Variants in EPHB1 observed in about 807,000 individuals in gnomAD.
EPHB1 encodes the protein ephrin type-B receptor 1.
In EPHB1, 30 loss-of-function variants were observed where a neutral mutation model predicts 94.4. The ratio of observed to expected loss-of-function variants is 0.32; its 90% CI spans 0.24 to 0.43. The LOEUF is 0.43. Among genes scored for constraint, EPHB1 ranks in the 20% least tolerant of loss-of-function variants. The probability of loss-of-function intolerance (pLI) is 1.00; values close to 1 mark genes in which losing one functional copy is unlikely to be tolerated. For missense variants in EPHB1, 1,055 were observed against 1,308.3 expected, an observed-to-expected ratio of 0.81 and a Z score of 2.99; for synonymous variants, 522 against 489.1, an observed-to-expected ratio of 1.07 and a Z score of -0.89.
chr3:135,165,236 A>G (rs1043236756), intron 7 of EPHB1, among the ~76,000 whole-genome samples: 4 of 152,220 alleles, frequency 2.6e-5, no homozygotes, highest in Admixed American at 6.5e-5. Flanking sequence ...TGTGCTTCAT[A>G]TGATTTGATT....
intron 1 of EPHB1, among the ~76,000 whole-genome samples, chr3:134,917,852 A>G (rs528800936): frequency 2.0e-5 from 3 of 152,356 alleles, no homozygotes; most frequent in African/African-American, 7.2e-5. Flanking sequence ...AAGACAATAA[A>G]TAAATGTGAG....
chr3:135,159,585 C>A (rs1941452501), intron 6 of EPHB1, among the ~76,000 whole-genome samples: 1 of 152,224 alleles, frequency 6.6e-6, no homozygotes, highest in South Asian at 2.1e-4. Context: ...GATCAAAGTT[C>A]TGGATGACAT....
intron 3 of EPHB1, among the ~76,000 whole-genome samples, chr3:135,028,952 T>G (rs1014897962): frequency 7.5e-6 from 1 of 133,508 alleles, no homozygotes; most frequent in African/African-American, 2.7e-5. Context: ...GCTCTTTTTG[T>G]TGAATTGATC....
At chr3:135,049,833 G>A (rs1480716610) in intron 3 of EPHB1, among the ~76,000 whole-genome samples, 2 of 152,156 alleles carry the variant, frequency 1.3e-5, no homozygotes, top group East Asian at 1.9e-4. Flanking sequence ...CATGAGGAAC[G>A]CACAGCTTGT....
At chr3:134,859,108 G>A (rs2037188309) in intron 1 of EPHB1, among the ~76,000 whole-genome samples, 1 of 152,198 alleles carries the variant, frequency 6.6e-6, no homozygotes, top group Non-Finnish European at 1.5e-5. Flanking sequence ...TCTGAGAGGT[G>A]GAAAAACACC....
At chr3:135,158,849 T>A (rs1409783248) in intron 6 of EPHB1, among the ~76,000 whole-genome samples, 4 of 152,230 alleles carry the variant, frequency 2.6e-5, no homozygotes, top group Non-Finnish European at 5.9e-5. Flanking sequence ...CGTTTATGGT[T>A]ACTCGCTCTT....
chr3:134,999,393 T>C (rs1440059705), intron 3 of EPHB1, among the ~76,000 whole-genome samples: 1 of 152,170 alleles, frequency 6.6e-6, no homozygotes, highest in Non-Finnish European at 1.5e-5. Flanking sequence ...CTGAGTCTAA[T>C]CTGAAGAGGA....
chr3:135,130,663 A>G (rs558288329), intron 4 of EPHB1, among the ~76,000 whole-genome samples: 1 of 152,142 alleles, frequency 6.6e-6, no homozygotes, highest in Admixed American at 6.6e-5. Context: ...GAAAGTCTCA[A>G]TGGGTGAGAG....
At chr3:135,052,659 C>T (rs992661396) in intron 3 of EPHB1, among the ~76,000 whole-genome samples, 10 of 150,740 alleles carry the variant, frequency 6.6e-5, no homozygotes, top group Admixed American at 2.0e-4. Flanking sequence ...CAGGAGCTCA[C>T]GACCATCCTG....
chr3:134,893,226 CTT>C (rs1316813793), intron 1 of EPHB1, among the ~76,000 whole-genome samples: 3 of 152,092 alleles, frequency 2.0e-5, no homozygotes, highest in Non-Finnish European at 4.4e-5. Context: ...CCTATAAAAC[CTT>C]TTTTGTTTGT....
At chr3:135,099,166 A>C (rs896680965) in intron 3 of EPHB1, among the ~76,000 whole-genome samples, 1 of 152,150 alleles carries the variant, frequency 6.6e-6, no homozygotes, top group African/African-American at 2.4e-5. Flanking sequence ...GCAGTCCTTC[A>C]GTGAACACTC....
chr3:135,109,562 G>T (rs1274660816), intron 4 of EPHB1, among the ~76,000 whole-genome samples: 1 of 152,212 alleles, frequency 6.6e-6, no homozygotes, highest in Non-Finnish European at 1.5e-5. Context: ...GAGGATGTTG[G>T]ATATCTGAAA....
chr3:134,919,379 T>A (rs1308856989), intron 1 of EPHB1, among the ~76,000 whole-genome samples: 13 of 152,166 alleles, frequency 8.5e-5, no homozygotes, highest in Non-Finnish European at 4.4e-5. Context: ...GCCCAGGCAC[T>A]GGTCATGATA....
At chr3:135,165,942 G>C in intron 7 of EPHB1, 26 bp from the exon 8 acceptor site, 1 of 1,578,076 alleles carries the variant, frequency 6.3e-7, no homozygotes, top group Non-Finnish European at 8.7e-7. Context: ...ACATGGGGAG[G>C]ATTCTAATGC....
At chr3:135,080,834 G>A (rs1938139091) in intron 3 of EPHB1, among the ~76,000 whole-genome samples, 1 of 152,152 alleles carries the variant, frequency 6.6e-6, no homozygotes, top group Non-Finnish European at 1.5e-5. Context: ...ATATGGCTAA[G>A]CCCTTAGCGC....
At chr3:135,036,836 GA>G (rs1936662363) in intron 3 of EPHB1, among the ~76,000 whole-genome samples, 1 of 152,190 alleles carries the variant, frequency 6.6e-6, no homozygotes, top group Non-Finnish European at 1.5e-5. Context: ...GGACTGATGT[GA>G]CTGGGTTTCA....
chr3:134,926,915 G>A (rs1239481974), intron 2 of EPHB1, among the ~76,000 whole-genome samples: 2 of 152,180 alleles, frequency 1.3e-5, no homozygotes, highest in Non-Finnish European at 2.9e-5. Flanking sequence ...GGACAAATTG[G>A]CAATGGATGG....
intron 4 of EPHB1, among the ~76,000 whole-genome samples, chr3:135,125,378 C>T (rs1287439615): frequency 6.7e-6 from 1 of 148,536 alleles, no homozygotes; most frequent in Non-Finnish European, 1.5e-5. Flanking sequence ...AACACATAGG[C>T]TTATGCCACT....
chr3:135,111,082 G>A (rs555796751), intron 4 of EPHB1, among the ~76,000 whole-genome samples: 10 of 152,304 alleles, frequency 6.6e-5, no homozygotes, highest in Admixed American at 3.3e-4. Flanking sequence ...AGGTTTGGTG[G>A]CCATAGAGCA....
Sources: allele counts gnomAD v4.1 joint callset (sites outside exome capture counted in the v4.1 genomes callset), GRCh38; gene constraint gnomAD v4.1.1; transcripts MANE v1.5; gene names NCBI Gene and HGNC (gene_info 2026-07-23, HGNC 2026-07-21).